RUBCN: variants seen among roughly 807,000 people sequenced by gnomAD.
RUBCN encodes run domain Beclin-1-interacting and cysteine-rich domain-containing protein.
RUBCN carries 74 observed loss-of-function variants against 113.2 expected under a neutral mutation model. The observed-to-expected ratio is 0.65, with a 90% CI of 0.54 to 0.79. RUBCN has a LOEUF of 0.79. Among genes scored for constraint, RUBCN ranks in the 30% least tolerant of loss-of-function variants. RUBCN has a pLI of 0.00. For synonymous variants in RUBCN, 480 were observed against 490.0 expected, an observed-to-expected ratio of 0.98 and a Z score of 0.27; for missense variants, 1,109 against 1,251.7, an observed-to-expected ratio of 0.89 and a Z score of 1.72.
In RUBCN at chr3:197,717,986, G is replaced by A; in HGVS notation, c.210C>T (p.Ile70=). The A allele has an allele frequency of 6.2e-7, 1 of 1,613,890 alleles. No homozygotes were observed. Among genetic ancestry groups the A allele is most frequent in the Non-Finnish European group, 8.5e-7 (1 of 1,180,038 alleles). ...DMQSILYHGL[I]RDQACRRQTD... is the part of the protein sequence containing the mutation. ...AAGGAGTTCTGCATACCTGGTCACG[G>A]ATAAGCCCGTGATAGAGGATGCTCT... Residue 70 remains isoleucine, a synonymous_variant, in exon 2 of 20, where the codon ATC becomes ATT. Coordinates refer to ENST00000296343, the MANE Select transcript of RUBCN (RefSeq NM_014687.4).
chr3:197,678,187 C>T (rs1482842810), intron 16 of RUBCN, among the ~76,000 whole-genome samples: 1 of 150,684 alleles, frequency 6.6e-6, no homozygotes, highest in African/African-American at 2.5e-5. Context: ...GTCCCACGCT[C>T]TAACTCGACA....
In RUBCN at chr3:197,702,619, T is replaced by C. The variant is rs566937870; in HGVS notation, c.571-755A>G. Among the ~76,000 whole-genome samples, 6 of 152,246 alleles carry C rather than the reference T, an allele frequency of 3.9e-5. No homozygotes were observed. The South Asian group carries it at 1.0e-3, about 26-fold the overall frequency. Reference sequence around the variant, plus strand: ...CGGAGGCTGCAGTGAGCCAAGATCATGCCACTGCATTCCAGCCCAGCCTGG... The same window carrying C: ...CGGAGGCTGCAGTGAGCCAAGATCACGCCACTGCATTCCAGCCCAGCCTGG... On this transcript the variant is annotated intron_variant, in intron 5 of 19. Coordinates refer to ENST00000296343, the MANE Select transcript of RUBCN (RefSeq NM_014687.4).
In RUBCN at chr3:197,701,046, G is replaced by A. The variant is rs200274445; in HGVS notation, c.828C>T (p.Pro276=). ...TGGCTAGTGCAGAGACTGAAACTGG[G>A]GGGGCTTGGATGGTTTGATCCTCTG... ...SPAEDQTIQA[P]PVSVSALARD... is the part of the protein sequence containing the mutation. Residue 276 remains proline, a synonymous_variant, in exon 7 of 20, where the codon CCC becomes CCT. Transcript: ENST00000296343. 112 of 1,613,794 alleles carry A rather than the reference G, an allele frequency of 6.9e-5. No homozygotes were observed. Among genetic ancestry groups the A allele is most frequent in the Admixed American group, 1.0e-4 (6 of 59,974 alleles).
intron 1 of RUBCN, among the ~76,000 whole-genome samples, chr3:197,733,385 G>C (rs371905981): frequency 6.6e-6 from 1 of 152,284 alleles, no homozygotes. Context: ...AGGAGGCTGA[G>C]GTGGGAAGAT....
At position 197,681,543 on chromosome 3, in the gene RUBCN, G is replaced by C. The variant is rs540523297; in HGVS notation, c.2192-176C>G. On this transcript the variant is annotated intron_variant, in intron 15 of 19. Transcript: ENST00000296343. This position sits in a 1 kb window ranked among gnomAD's most constrained non-coding sequence, Gnocchi z 5.5. ...ACATAGTGGATCCTGGGGTGATAAT[G>C]TCCTACCTTGGAGGCCCTGAGGAAA... Among the ~76,000 whole-genome samples the C allele has an allele frequency of 6.6e-6, 1 of 152,238 alleles. No individual in the cohort carries two copies. Among genetic ancestry groups the C allele is most frequent in the South Asian group, 2.1e-4 (1 of 4,824 alleles).
In RUBCN at chr3:197,692,924, T is replaced by C. The variant is rs144293585; in HGVS notation, c.1786+791A>G. On this transcript the variant is annotated intron_variant, in intron 11 of 19. Coordinates refer to ENST00000296343, the MANE Select transcript of RUBCN (RefSeq NM_014687.4). ...CACATTATGTTATAATGGAGAATTA[T>C]AGATACAGTTCACCTCTGTCTACAT... Among the ~76,000 whole-genome samples, 73 of 152,338 alleles carry C rather than the reference T, an allele frequency of 4.8e-4. 1 individual carries two copies. Among genetic ancestry groups the C allele is most frequent in the Admixed American group, 1.1e-3 (17 of 15,302 alleles).
intron 1 of RUBCN, among the ~76,000 whole-genome samples, chr3:197,734,690 C>T (rs1169205657): frequency 6.6e-6 from 1 of 152,202 alleles, no homozygotes; most frequent in Non-Finnish European, 1.5e-5. Flanking sequence ...CCCAGCCTCC[C>T]TCACATGAAG....
At position 197,674,496 on chromosome 3, in the gene RUBCN, A is replaced by G. The variant is rs759575723; in HGVS notation, c.*522T>C. 6 of 493,430 alleles carry G rather than the reference A, an allele frequency of 1.2e-5. No individual in the cohort carries two copies. The East Asian group carries it at 4.1e-4, about 34-fold the overall frequency. 30.6% of individuals were successfully genotyped at this position (493,430 alleles called of 1,614,324 possible). ...ACCCAAATAAGTGGACGAAATGCCC[A>G]TGACGTAGTCCTATTCTCTGCTGCT... On this transcript the variant is annotated 3_prime_UTR_variant, in exon 20 of 20. Coordinates refer to ENST00000296343, the MANE Select transcript of RUBCN (RefSeq NM_014687.4).
In RUBCN at chr3:197,670,984, C is replaced by T. The variant is rs1000543761; in HGVS notation, c.*4034G>A. 1.1e-4 allele frequency among the ~76,000 whole-genome samples: 16 copies of T among 152,096 alleles called. No individual in the cohort carries two copies. The highest frequency in any genetic ancestry group is 3.9e-4 in the African/African-American group (16 of 41,418). Reference sequence around the variant, plus strand: ...GAGGTAGAGGTGGTCACAATCCCGCCCCTCATGCCACAGTGTGCTGGTGCT... The same window carrying T: ...GAGGTAGAGGTGGTCACAATCCCGCTCCTCATGCCACAGTGTGCTGGTGCT... On this transcript the variant is annotated 3_prime_UTR_variant, in exon 20 of 20. Coordinates refer to ENST00000296343, the MANE Select transcript of RUBCN (RefSeq NM_014687.4).
intron 5 of RUBCN, among the ~76,000 whole-genome samples, chr3:197,702,794 A>G (rs1192176725): frequency 6.6e-6 from 1 of 152,196 alleles, no homozygotes; most frequent in Non-Finnish European, 1.5e-5. Flanking sequence ...GTGATGGGAT[A>G]AGTTAATTTT....
intron 11 of RUBCN, 104 bp downstream of exon 11, chr3:197,693,611 A>G: frequency 1.2e-6 from 1 of 821,986 alleles, no homozygotes; most frequent in Non-Finnish European, 2.1e-6. Context: ...GCTAACAACA[A>G]TCCATAATGA....
chr3:197,712,620 C>T (rs565812710), intron 2 of RUBCN, among the ~76,000 whole-genome samples: 4 of 152,312 alleles, frequency 2.6e-5, no homozygotes, highest in African/African-American at 7.2e-5. Context: ...TTTGATTCTT[C>T]CCACTAGAGC....
At chr3:197,680,595 C>T (rs954060777) in intron 16 of RUBCN, among the ~76,000 whole-genome samples, 6 of 152,214 alleles carry the variant, frequency 3.9e-5, no homozygotes, top group Non-Finnish European at 5.9e-5. Flanking sequence ...GTCCTATGCT[C>T]TAACTTGCTC....
At chr3:197,714,875 A>G (rs1725345648) in intron 2 of RUBCN, among the ~76,000 whole-genome samples, 1 of 152,182 alleles carries the variant, frequency 6.6e-6, no homozygotes, top group Admixed American at 6.6e-5. Context: ...CAGAACCAAA[A>G]TGTATTTAAA....
intron 11 of RUBCN, among the ~76,000 whole-genome samples, chr3:197,687,671 CG>C (rs1722001003): frequency 6.6e-6 from 1 of 152,214 alleles, no homozygotes; most frequent in Non-Finnish European, 1.5e-5. Context: ...CGGCACCTGC[CG>C]GAAGAGCTTC....
chr3:197,723,129 T>C (rs1726349272), intron 1 of RUBCN, among the ~76,000 whole-genome samples: 2 of 152,200 alleles, frequency 1.3e-5, no homozygotes, highest in Non-Finnish European at 2.9e-5. Context: ...GTAGTCAGCA[T>C]GAGGCTTACA....
intron 2 of RUBCN, among the ~76,000 whole-genome samples, chr3:197,707,005 C>G (rs1461135145): frequency 2.1e-5 from 3 of 142,902 alleles, no homozygotes; most frequent in South Asian, 4.1e-4. Context: ...CGTGGGACAT[C>G]AACTCCAGCA....
intron 1 of RUBCN, among the ~76,000 whole-genome samples, chr3:197,724,719 A>T (rs543400392): frequency 6.6e-6 from 1 of 152,382 alleles, no homozygotes; most frequent in African/African-American, 2.4e-5. Context: ...TCTAAAGCTA[A>T]TTATAGCATA....
intron 11 of RUBCN, among the ~76,000 whole-genome samples, chr3:197,692,929 A>T (rs1225438771): frequency 6.6e-6 from 1 of 152,238 alleles, no homozygotes; most frequent in Non-Finnish European, 1.5e-5. Flanking sequence ...AATTATAGAT[A>T]CAGTTCACCT....
Sources: allele counts gnomAD v4.1 joint callset (sites outside exome capture counted in the v4.1 genomes callset), GRCh38; gene constraint gnomAD v4.1.1; non-coding constraint Gnocchi (gnomAD v3.1); transcripts MANE v1.5; gene names NCBI Gene and HGNC (gene_info 2026-07-23, HGNC 2026-07-21).